The following PLCD4 variants were observed in gnomAD, a reference collection of about 807,000 sequenced individuals.
PLCD4 encodes the protein 1-phosphatidylinositol 4,5-bisphosphate phosphodiesterase delta-4.
In PLCD4, 63 loss-of-function variants were observed where a neutral mutation model predicts 90.2. The observed-to-expected ratio is 0.70, with a 90% CI of 0.57 to 0.86. PLCD4 has a LOEUF of 0.86. Ranked by LOEUF, PLCD4 falls within the 40% of genes least tolerant of loss-of-function variation. PLCD4 has a pLI of 0.00. For missense variants in PLCD4, 830 were observed against 956.3 expected, an observed-to-expected ratio of 0.87 and a Z score of 1.74; for synonymous variants, 294 against 356.5, an observed-to-expected ratio of 0.82 and a Z score of 1.97.
chr2:218,622,151 T>C (rs1695915271), intron 5 of PLCD4: 1 of 153,472 alleles, frequency 6.5e-6, no homozygotes, highest in African/African-American at 2.4e-5. Context: ...TATGTTATTA[T>C]GTTGGACCTC....
chr2:218,631,318 C>T (rs1204342248), intron 9 of PLCD4, among the ~76,000 whole-genome samples: 2 of 152,118 alleles, frequency 1.3e-5, no homozygotes, highest in African/African-American at 4.8e-5. Context: ...GTGTGCACCA[C>T]CACACCTGGC....
rs1030533936 is a variant in PLCD4, at chr2:218,634,145, T to C, written c.1647T>C (p.Arg549=). 1.2e-6 allele frequency: 2 copies of C among 1,612,540 alleles called. No homozygotes were observed. Among genetic ancestry groups the C allele is most frequent in the African/African-American group, 2.7e-5 (2 of 74,880 alleles). Residue 549 remains arginine, a synonymous_variant, in exon 12 of 16, where the codon CGT becomes CGC. Transcript: ENST00000450993. This position sits in a 1 kb window ranked among gnomAD's most constrained non-coding sequence, Gnocchi z 4.0. Reference sequence around the variant, plus strand: ...AGCACAATACTTGGCAGTTAAGCCGTGTGTATCCCAGCGGCCTGAGGACAG... The same window carrying C: ...AGCACAATACTTGGCAGTTAAGCCGCGTGTATCCCAGCGGCCTGAGGACAG... ...FVQHNTWQLS[R]VYPSGLRTDS... is the part of the protein sequence containing the mutation.
intron 6 of PLCD4, among the ~76,000 whole-genome samples, chr2:218,625,555 G>A (rs1281614934): frequency 6.6e-6 from 1 of 152,156 alleles, no homozygotes; most frequent in Non-Finnish European, 1.5e-5. Context: ...TTCCTCATTT[G>A]TAAAATAATT....
At position 218,634,602 on chromosome 2, in the gene PLCD4, C is replaced by T. The variant is rs1310063593; in HGVS notation, c.1868C>T (p.Pro623Leu). 1 of 1,614,018 alleles carries T rather than the reference C, an allele frequency of 6.2e-7. No homozygotes were observed. The highest frequency in any genetic ancestry group is 1.3e-5 in the African/African-American group (1 of 75,052). The change falls in exon 13 of 16, where the codon CCT becomes CTT. Residue 623 changes from proline to leucine, a missense_variant. Coordinates refer to ENST00000450993, the MANE Select transcript of PLCD4 (RefSeq NM_032726.4). The surrounding 1 kb of genome is among the most constrained non-coding windows in gnomAD (Gnocchi z 4.0). ...SSFHPEKPIS[P>L]FKAQTLLIQV... is the part of the protein sequence containing the mutation. ...TTCCACCCTGAGAAGCCCATCAGCC[C>T]TTTCAAAGCCCAGACTCTCTTAATC...
chr2:218,614,758 TA>T (rs1695504676), intron 1 of PLCD4, among the ~76,000 whole-genome samples: 1 of 151,074 alleles, frequency 6.6e-6, no homozygotes, highest in South Asian at 2.1e-4. Context: ...GCCAACAGCC[TA>T]TATCTTAAAA....
At chr2:218,623,529 A>G (rs2106141081) in intron 6 of PLCD4, among the ~76,000 whole-genome samples, 1 of 152,276 alleles carries the variant, frequency 6.6e-6, no homozygotes, top group East Asian at 1.9e-4. Flanking sequence ...AGTGTGAGAA[A>G]TTTACATTAA....
intron 8 of PLCD4, among the ~76,000 whole-genome samples, 173 bp downstream of exon 8, chr2:218,629,836 T>C (rs371826181): frequency 2.0e-5 from 3 of 152,212 alleles, no homozygotes; most frequent in African/African-American, 7.2e-5. Context: ...GTTGGACATG[T>C]TACTAATAAT....
In PLCD4 at chr2:218,634,511, T is replaced by C. The variant is rs1696595947; in HGVS notation, c.1777T>C (p.Phe593Leu). 6.2e-7 allele frequency: 1 copy of C among 1,614,068 alleles called. No individual in the cohort carries two copies. ...TGAAATGGACATCTGTGATGGGCAT[T>C]TCCGCCAGAATGGCGGCTGTGGCTA... The part of the protein sequence containing the change: ...GLEMDICDGH[F>L]RQNGGCGYVL... The change falls in exon 13 of 16, where the codon TTC becomes CTC. Residue 593 changes from phenylalanine to leucine, a missense_variant. Phe to Leu is a conservative substitution (Grantham distance 22). Coordinates refer to ENST00000450993, the MANE Select transcript of PLCD4 (RefSeq NM_032726.4). The surrounding 1 kb of genome is among the most constrained non-coding windows in gnomAD (Gnocchi z 4.0).
chr2:218,625,128 AAAAAG>A (rs1223196127), intron 6 of PLCD4, among the ~76,000 whole-genome samples: 6 of 148,910 alleles, frequency 4.0e-5, no homozygotes, highest in Admixed American at 6.7e-5. Context: ...AAAAAAAAAA[AAAAAG>A]AAAGAAAGAA....
At chr2:218,635,018 T>C (rs1377849569) in intron 13 of PLCD4, among the ~76,000 whole-genome samples, 2 of 152,162 alleles carry the variant, frequency 1.3e-5, no homozygotes, top group Non-Finnish European at 2.9e-5. Flanking sequence ...GCAGGAGGAC[T>C]GCTTGAGCCC....
intron 11 of PLCD4, 71 bp downstream of exon 11, chr2:218,633,832 A>C (rs1344712002): frequency 6.5e-7 from 1 of 1,547,378 alleles, no homozygotes; most frequent in Non-Finnish European, 8.8e-7. Context: ...ACTGGCAGGT[A>C]AGTCCCAAGA....
At chr2:218,633,377 C>G (rs1198123595) in intron 10 of PLCD4, 16 of 705,550 alleles carry the variant, frequency 2.3e-5, no homozygotes. Context: ...TTCCCATTCC[C>G]ACCCCCAGGT....
chr2:218,618,603 T>A lies in PLCD4; in HGVS notation c.206T>A (p.Ile69Lys). 1 of 1,614,056 alleles carries A rather than the reference T, an allele frequency of 6.2e-7. No homozygotes were observed. Among genetic ancestry groups the A allele is most frequent in the Non-Finnish European group, 8.5e-7 (1 of 1,179,898 alleles). ...PSFSISDVET[I>K]RNGHDSELLR... ...GTCTCAATCTCTGATGTGGAGACAA[T>A]ACGTAATGGCCATGATTCCGAGTTG... Residue 69 changes from isoleucine to lysine, a missense_variant, in exon 4 of 16, where the codon ATA (isoleucine) becomes AAA (lysine). Transcript: ENST00000450993.
At chr2:218,631,691 G>A (rs1696375587) in intron 9 of PLCD4, among the ~76,000 whole-genome samples, 1 of 151,876 alleles carries the variant, frequency 6.6e-6, no homozygotes, top group African/African-American at 2.4e-5. Flanking sequence ...TACTTGGGAA[G>A]CTGAGGCAGG....
chr2:218,630,665 G>A lies in PLCD4; in HGVS notation c.1135G>A (p.Val379Ile). 1 of 1,614,020 alleles carries A rather than the reference G, an allele frequency of 6.2e-7. No homozygotes were observed. The highest frequency in any genetic ancestry group is 8.5e-7 in the Non-Finnish European group (1 of 1,179,886). ...TCACCACCAGACATCAGACTACCCA[G>A]TCATCTTGTCCCTGGAGACCCACTG... The part of the protein sequence containing the change: ...QYAFQTSDYP[V>I]ILSLETHCSW... Residue 379 changes from valine (V) to isoleucine (I), a missense_variant, in exon 9 of 16, where the codon GTC becomes ATC. Val to Ile is a conservative substitution (Grantham distance 29, BLOSUM62 3). Transcript: ENST00000450993.
intron 8 of PLCD4, among the ~76,000 whole-genome samples, chr2:218,630,262 A>G (rs1696302345): frequency 1.3e-5 from 2 of 152,232 alleles, no homozygotes; most frequent in African/African-American, 4.8e-5. Context: ...ACACAGAGAT[A>G]GTGGTGAGTA....
chr2:218,620,334 C>T (rs1322580003), intron 4 of PLCD4, among the ~76,000 whole-genome samples: 2 of 151,966 alleles, frequency 1.3e-5, no homozygotes, highest in African/African-American at 4.8e-5. Context: ...TGAAACCCCA[C>T]CTCTACAAAA....
Position 218,630,852 on chromosome 2 carries a change from C to T in PLCD4, c.1272+50C>T, listed in dbSNP as rs753644985. On this transcript the variant is annotated intron_variant, in intron 9 of 15. Coordinates refer to ENST00000450993, the MANE Select transcript of PLCD4 (RefSeq NM_032726.4). ...AGGCTCTGCTGTGGCTTCTGGATTC[C>T]GCCACCTGGGCTCCTTCCTCTATGC... 5.0e-5 allele frequency: 77 copies of T among 1,539,256 alleles called. 1 individual carries two copies. Among genetic ancestry groups the T allele is most frequent in the African/African-American group, 3.8e-4 (28 of 73,030 alleles).
chr2:218,633,625 T>C lies in PLCD4; in HGVS notation c.1470T>C (p.Cys490=), dbSNP rs775009692. The stretch of plus-strand genomic sequence containing the variant: ...TCCAGAAATCCAAGCCCATCTTGTG[T>C]CCAGCCCTCTCTTCCCTGGTTATCT... The part of the protein sequence containing the change: ...DKKKKSKPIL[C]PALSSLVIYL... Residue 490 remains cysteine, a synonymous_variant, in exon 11 of 16, where the codon TGT becomes TGC. Coordinates refer to ENST00000450993, the MANE Select transcript of PLCD4 (RefSeq NM_032726.4). 8.3e-5 allele frequency: 134 copies of C among 1,613,622 alleles called. No individual in the cohort carries two copies. Among genetic ancestry groups the C allele is most frequent in the Non-Finnish European group, 1.1e-4 (127 of 1,179,636 alleles).
Sources: gnomAD v4.1 joint callset for allele counts (sites outside exome capture counted in the v4.1 genomes callset) on GRCh38, gnomAD v4.1.1 for gene constraint, Gnocchi (gnomAD v3.1) non-coding constraint, MANE v1.5 for transcripts, NCBI Gene and HGNC (gene_info 2026-07-23, HGNC 2026-07-21) for gene names.